The following CABP2 variants were observed in gnomAD, a reference collection of about 807,000 sequenced individuals.
CABP2 encodes the protein calcium-binding protein 2.
CABP2 carries 25 observed loss-of-function variants against 28.6 expected under a neutral mutation model. That is an observed-to-expected ratio of 0.87 (90% CI 0.64 to 1.22). The LOEUF is 1.22. Among genes scored for constraint, CABP2 ranks in the 50% most tolerant of loss-of-function variants. The probability of loss-of-function intolerance (pLI) is 0.00; values close to 1 mark genes in which losing one functional copy is unlikely to be tolerated. For missense variants in CABP2, 310 were observed against 312.2 expected, an observed-to-expected ratio of 0.99 and a Z score of 0.05; for synonymous variants, 138 against 126.0, an observed-to-expected ratio of 1.09 and a Z score of -0.64.
chr11:67,522,081 C>A, intron 2 of CABP2, 99 bp from the exon 3 acceptor site: 1 of 1,042,946 alleles, frequency 9.6e-7, no homozygotes, highest in Non-Finnish European at 1.5e-6. Context: ...CACAATCCAA[C>A]ACGCACACGC....
rs201149489 is a variant in CABP2, at chr11:67,521,048, A to G, written c.356T>C (p.Leu119Pro). The G allele has an allele frequency of 6.2e-7, 1 of 1,612,808 alleles. No individual in the cohort carries two copies. Among genetic ancestry groups the G allele is most frequent in the Non-Finnish European group, 8.5e-7 (1 of 1,179,712 alleles). The part of the protein sequence containing the change: ...TLGYMPTEME[L>P]IEISQQISGG... ...ACTGATTTGTTGTGAGATCTCGATGAGCTCCATCTCGGTGGGCATGTAGCC... is the reference window on the plus strand; with the variant it reads ...ACTGATTTGTTGTGAGATCTCGATGGGCTCCATCTCGGTGGGCATGTAGCC... The change falls in exon 4 of 7, where the codon CTC (leucine) becomes CCC (proline). Residue 119 changes from leucine (L) to proline (P), a missense_variant. Coordinates refer to ENST00000294288, the MANE Select transcript of CABP2 (RefSeq NM_016366.3).
chr11:67,520,139 T>G lies in CABP2; in HGVS notation c.401A>C (p.Glu134Ala), dbSNP rs1194929964. 1 of 1,613,800 alleles carries G rather than the reference T, an allele frequency of 6.2e-7. No individual in the cohort carries two copies. The highest frequency in any genetic ancestry group is 8.5e-7 in the Non-Finnish European group (1 of 1,179,842). ...GGGGCCCATCAGCTCCACGAAGTCT[T>G]CAAAGTCCACCTTTCCGCCACCTGG... Reference protein sequence around the residue: ...QQISGGKVDFEDFVELMGPKL... With the variant: ...QQISGGKVDFADFVELMGPKL... The change falls in exon 5 of 7, where the codon GAA becomes GCA. Residue 134 changes from glutamate (E) to alanine (A), a missense_variant. Physicochemically the swap from Glu to Ala is moderately radical, Grantham distance 107 (BLOSUM62 -1). Coordinates refer to ENST00000294288, the MANE Select transcript of CABP2 (RefSeq NM_016366.3).
intron 3 of CABP2, 89 bp downstream of exon 3, chr11:67,521,863 A>AGCCCCCCCCCCC: frequency 3.2e-6 from 1 of 308,464 alleles, no homozygotes; most frequent in Non-Finnish European, 6.4e-6. Context: ...TGAGGCCCCC[A>AGCCCCCCCCCCC]CCCGATGCCC....
At chr11:67,521,882 C>CCT in intron 3 of CABP2, 70 bp downstream of exon 3, 2 of 800,702 alleles carry the variant, frequency 2.5e-6, no homozygotes, top group Non-Finnish European at 4.2e-6. Context: ...CCCCCCAACC[C>CCT]TGTGTCCCCA....
rs756574355 is a variant in CABP2 at position 67,520,167 on chromosome 11, G to A, written c.380-7C>T. On this transcript the variant is annotated splice_polypyrimidine_tract_variant and splice_region_variant and intron_variant, in intron 4 of 6. Transcript: ENST00000294288. ...AAGTCCACCTTTCCGCCACCTGGGG[G>A]TCCCGTCCATTACAGACCCAGGGCA... 32 of 1,601,248 alleles carry A rather than the reference G, an allele frequency of 2.0e-5. No homozygotes were observed. Among genetic ancestry groups the A allele is most frequent in the Non-Finnish European group, 2.6e-5 (30 of 1,168,784 alleles).
intron 2 of CABP2, 117 bp downstream of exon 2, chr11:67,522,429 A>G: frequency 9.4e-7 from 1 of 1,068,496 alleles, no homozygotes; most frequent in Non-Finnish European, 1.4e-6. Context: ...CCCTAGCTCC[A>G]GGAGAGGCAA....
intron 4 of CABP2, among the ~76,000 whole-genome samples, chr11:67,520,397 C>G (rs1014427843): frequency 1.3e-5 from 2 of 152,132 alleles, no homozygotes; most frequent in African/African-American, 4.8e-5. Flanking sequence ...GTGGTTCACG[C>G]CTGTAATGCC....
intron 1 of CABP2, among the ~76,000 whole-genome samples, 179 bp from the exon 2 acceptor site, chr11:67,522,895 T>C (rs1468180240): frequency 6.6e-6 from 1 of 152,196 alleles, no homozygotes; most frequent in Non-Finnish European, 1.5e-5. Context: ...AAAGGGTCAA[T>C]CCTCTAACTG....
At position 67,522,584 on chromosome 11, in the gene CABP2, A is replaced by C; in HGVS notation, c.175T>G (p.Cys59Gly). 6.4e-7 allele frequency: 1 copy of C among 1,554,570 alleles called. No homozygotes were observed. The highest frequency in any genetic ancestry group is 8.7e-7 in the Non-Finnish European group (1 of 1,148,882). Residue 59 changes from cysteine (C) to glycine (G), a missense_variant, in exon 2 of 7, where the codon TGC (cysteine) becomes GGC (glycine). By Grantham distance (159) the Cys-to-Gly change is radical. Coordinates refer to ENST00000294288, the MANE Select transcript of CABP2 (RefSeq NM_016366.3). Reference protein sequence around the residue: ...SVLNSLVGPACIFLRPSIAAT... With the variant: ...SVLNSLVGPAGIFLRPSIAAT... The stretch of plus-strand genomic sequence containing the variant: ...GCAATGCTGGGCCGCAGGAAGATGC[A>C]GGCAGGCCCCACCAGGCTGTTGAGC...
chr11:67,520,029 C>G (rs1213490165), intron 5 of CABP2, 22 bp downstream of exon 5: 1 of 1,607,958 alleles, frequency 6.2e-7, no homozygotes, highest in Non-Finnish European at 8.5e-7. Context: ...GCCCTGCCCG[C>G]CCTCAGCCCC....
rs766208641 is a variant in CABP2, at chr11:67,520,211, C to A, written c.380-51G>T. The A allele has an allele frequency of 7.0e-6, 8 of 1,146,128 alleles. No homozygotes were observed. In the Admixed American group the frequency reaches 1.0e-4, roughly 15 times the overall value. The allele number at this position is 1,146,128 out of a possible 1,614,324, so 71.0% of individuals were successfully genotyped here. A position where few individuals can be genotyped will look rare whatever the true frequency, so the allele number is the denominator to read the frequency against. On this transcript the variant is annotated intron_variant, in intron 4 of 6. Transcript: ENST00000294288. The stretch of plus-strand genomic sequence containing the variant: ...CAGGGCATCAGAGACCCCTGCCCCT[C>A]CCTGGCCCTCCCTCCTCTGCCCTCT...
In CABP2 at chr11:67,522,728, C is replaced by G; in HGVS notation, c.43-12G>C. 1 of 1,471,628 alleles carries G rather than the reference C, an allele frequency of 6.8e-7. No homozygotes were observed. The highest frequency in any genetic ancestry group is 9.0e-7 in the Non-Finnish European group (1 of 1,108,382). 91.2% of individuals were successfully genotyped at this position (1,471,628 alleles called of 1,614,324 possible). A position where few individuals can be genotyped will look rare whatever the true frequency, so the allele number is the denominator to read the frequency against. On this transcript the variant is annotated splice_polypyrimidine_tract_variant and intron_variant, in intron 1 of 6. Coordinates refer to ENST00000294288, the MANE Select transcript of CABP2 (RefSeq NM_016366.3). ...CACTGCAAGGGGTCCTGCAGCAGAG[C>G]CGGCCGTGAGCTGGGGCAGTGGCCG...
At chr11:67,523,237 G>T in intron 1 of CABP2, 48 bp downstream of exon 1, 1 of 1,437,374 alleles carries the variant, frequency 7.0e-7, no homozygotes, top group Non-Finnish European at 9.6e-7. Context: ...TGACCCTCAG[G>T]GTCCATTCCA....
Position 67,521,103 on chromosome 11 carries a change from G to T in CABP2, c.301C>A (p.Arg101=), listed in dbSNP as rs1209827004. Residue 101 remains arginine (R), a synonymous_variant, in exon 4 of 7, where the codon CGG becomes AGG. Transcript: ENST00000294288. The part of the protein sequence containing the change: ...DRDRDGYIGC[R]ELGACMRTLG... ...GTCCGCATGCAGGCACCCAGCTCCC[G>T]GCAGCCAATGTAGCCGTCCCGGTCT... 1.2e-6 allele frequency: 2 copies of T among 1,613,772 alleles called. No individual in the cohort carries two copies. The highest frequency in any genetic ancestry group is 1.7e-5 in the Admixed American group (1 of 60,004).
intron 6 of CABP2, 59 bp downstream of exon 6, chr11:67,519,734 G>A (rs1866712505): frequency 6.4e-6 from 10 of 1,566,842 alleles, no homozygotes; most frequent in Non-Finnish European, 7.9e-6. Context: ...CTTGCTGTGC[G>A]GTTTCTTATC....
chr11:67,522,058 C>T (rs1047568860), intron 2 of CABP2, 76 bp from the exon 3 acceptor site: 13 of 1,277,626 alleles, frequency 1.0e-5, no homozygotes, highest in Non-Finnish European at 1.3e-5. Flanking sequence ...TCCCGGGGCT[C>T]CCCACCCAGC....
intron 2 of CABP2, among the ~76,000 whole-genome samples, 186 bp downstream of exon 2, chr11:67,522,360 T>C (rs1335946941): frequency 6.6e-6 from 1 of 152,140 alleles, no homozygotes; most frequent in Admixed American, 6.5e-5. Flanking sequence ...CTCCCCTCTC[T>C]GCACCCCCAC....
intron 3 of CABP2, 47 bp downstream of exon 3, chr11:67,521,905 C>CA (rs1565205149): frequency 6.6e-7 from 1 of 1,514,630 alleles, no homozygotes; most frequent in Admixed American, 1.7e-5. Flanking sequence ...CCATGCCCCC[C>CA]ATGCCACCTC....
In CABP2 at chr11:67,522,665, T is replaced by TGG. The variant is rs1427371346; in HGVS notation, c.92_93dup (p.Ser32ProfsTer109). On this transcript the variant is annotated frameshift_variant, in exon 2 of 7. Transcript: ENST00000294288. LOFTEE classifies it high-confidence loss of function. Reference sequence around the variant, plus strand: ...TCCCCCTGCTCCTTGGGGCTGGAGCTGGGGCTGGGGCAGGAGCCCCTTGGT... The same window carrying TGG: ...TCCCCCTGCTCCTTGGGGCTGGAGCTGGGGGGCTGGGGCAGGAGCCCCTTGGT... The TGG allele has an allele frequency of 6.5e-7, 1 of 1,534,830 alleles. No homozygotes were observed. The highest frequency in any genetic ancestry group is 1.4e-5 in the African/African-American group (1 of 72,634).
Sources: allele counts gnomAD v4.1 joint callset (sites outside exome capture counted in the v4.1 genomes callset), GRCh38; gene constraint gnomAD v4.1.1; transcripts MANE v1.5; gene names NCBI Gene and HGNC (gene_info 2026-07-23, HGNC 2026-07-21).